VIPR2: variants seen among roughly 807,000 people sequenced by gnomAD.
VIPR2 encodes the protein vasoactive intestinal peptide receptor 2, also known as vasoactive intestinal polypeptide receptor 2.
A neutral mutation model predicts 58.0 loss-of-function variants in VIPR2; 48 were observed. The observed-to-expected ratio is 0.83, with a 90% CI of 0.66 to 1.05. VIPR2 has a LOEUF of 1.05. VIPR2 is among the 50% of genes least tolerant of loss of function. VIPR2 has a pLI of 0.00. For missense variants in VIPR2, 534 were observed against 558.0 expected (o/e 0.96, Z 0.43); for synonymous variants, 243 against 235.2 (o/e 1.03, Z -0.30).
rs531765911 is a variant in VIPR2, at chr7:159,081,454, T to C, written c.357+22303A>G. On this transcript the variant is annotated intron_variant, in intron 4 of 12. Transcript: ENST00000262178. ...AACTGGATCCCTTCCTTACATCTTA[T>C]ACAAAAATTAATTCAAGATGGATTA... 6.8e-3 allele frequency among the ~76,000 whole-genome samples: 1,035 copies of C among 152,290 alleles called. 4 individuals are homozygous for C. The highest frequency in any genetic ancestry group is 0.012 in the Non-Finnish European group (820 of 68,018).
intron 4 of VIPR2, among the ~76,000 whole-genome samples, chr7:159,066,863 T>C (rs1320904471): frequency 6.6e-6 from 1 of 152,230 alleles, no homozygotes; most frequent in Non-Finnish European, 1.5e-5. Context: ...ACATCAATTT[T>C]GATCTGGGAA....
At chr7:159,106,252 A>C (rs1170523991) in intron 3 of VIPR2, among the ~76,000 whole-genome samples, 1 of 152,272 alleles carries the variant, frequency 6.6e-6, no homozygotes, top group African/African-American at 2.4e-5. Flanking sequence ...AAAACTCCAC[A>C]AACTAAGTCA....
At chr7:159,106,400 CAG>C (rs1858649376) in intron 3 of VIPR2, among the ~76,000 whole-genome samples, 1 of 151,542 alleles carries the variant, frequency 6.6e-6, no homozygotes, top group Admixed American at 6.6e-5. Context: ...CAGGGAGGTA[CAG>C]AGAGACCAGG....
At chr7:159,100,754 G>A (rs1276298150) in intron 4 of VIPR2, among the ~76,000 whole-genome samples, 2 of 151,744 alleles carry the variant, frequency 1.3e-5, no homozygotes, top group African/African-American at 2.4e-5. Flanking sequence ...GACTGTTCCT[G>A]TGATAGTGAA....
At chr7:159,076,900 T>C (rs1209786450) in intron 4 of VIPR2, among the ~76,000 whole-genome samples, 3 of 152,210 alleles carry the variant, frequency 2.0e-5, no homozygotes, top group Non-Finnish European at 4.4e-5. Flanking sequence ...TTAAGTTATC[T>C]CCATTTTACA....
chr7:159,057,702 G>T (rs779351453), intron 5 of VIPR2, among the ~76,000 whole-genome samples: 6 of 152,190 alleles, frequency 3.9e-5, no homozygotes, highest in Non-Finnish European at 8.8e-5. Context: ...ACGTAAGACA[G>T]ATTTAATCCT....
intron 4 of VIPR2, among the ~76,000 whole-genome samples, chr7:159,061,850 GCGGCTGTGC>G (rs1255481829): frequency 6.6e-6 from 1 of 152,098 alleles, no homozygotes; most frequent in African/African-American, 2.4e-5. Flanking sequence ...AGCTCGGTGC[GCGGCTGTGC>G]GGGGAAGCCA....
chr7:159,031,997 G>C lies in VIPR2; in HGVS notation c.1042C>G (p.Pro348Ala), dbSNP rs1853621057. 6.2e-7 allele frequency: 1 copy of C among 1,614,202 alleles called. No individual in the cohort carries two copies. The highest frequency in any genetic ancestry group is 1.7e-5 in the Admixed American group (1 of 60,034). The change falls in exon 11 of 13, where the codon CCC (proline) becomes GCC (alanine). Residue 348 changes from proline to alanine, a missense_variant. Pro to Ala is a conservative substitution (Grantham distance 27). Around this residue, in one of 3 missense-constraint regions of VIPR2, gnomAD observed 306 missense variants for 285.8 expected, o/e 1.07. Coordinates refer to ENST00000262178, the MANE Select transcript of VIPR2 (RefSeq NM_003382.5). This position sits in a 1 kb window ranked among gnomAD's most constrained non-coding sequence, Gnocchi z 4.0. ...TGGTATTTGGAGGAGATGCTGATGG[G>C]AAACACGGCAAACACCATGTAGTGG... The part of the protein sequence containing the change: ...GVHYMVFAVF[P>A]ISISSKYQIL...
chr7:159,080,152 G>T (rs571727549), intron 4 of VIPR2, among the ~76,000 whole-genome samples: 3 of 152,158 alleles, frequency 2.0e-5, no homozygotes, highest in Non-Finnish European at 4.4e-5. Flanking sequence ...AAGCCTGGCA[G>T]AGACACAACA....
chr7:159,039,532 C>T (rs1025957865), intron 6 of VIPR2, among the ~76,000 whole-genome samples: 29 of 152,308 alleles, frequency 1.9e-4, no homozygotes, highest in African/African-American at 5.8e-4. Context: ...TTGCAATGGG[C>T]TGGAGGCTTC....
chr7:159,097,005 T>C lies in VIPR2; in HGVS notation c.357+6752A>G. ...GGGAGGCTTCCTTCAGAAAAGCTGCTGCTCTCAGAGGTGATTTGGGGCAGG... is the reference window on the plus strand; with the variant it reads ...GGGAGGCTTCCTTCAGAAAAGCTGCCGCTCTCAGAGGTGATTTGGGGCAGG... On this transcript the variant is annotated intron_variant, in intron 4 of 12. Transcript: ENST00000262178. The surrounding 1 kb of genome is among the most constrained non-coding windows in gnomAD (Gnocchi z 5.3). 6.4e-7 allele frequency: 1 copy of C among 1,550,600 alleles called. No individual in the cohort carries two copies. Among genetic ancestry groups the C allele is most frequent in the Non-Finnish European group, 8.7e-7 (1 of 1,146,978 alleles).
chr7:159,103,462 C>T (rs188069798), intron 4 of VIPR2, among the ~76,000 whole-genome samples: 6 of 152,258 alleles, frequency 3.9e-5, no homozygotes, highest in East Asian at 1.9e-4. Context: ...AAGTAACTTT[C>T]GGGCAGGCGG....
intron 4 of VIPR2, among the ~76,000 whole-genome samples, chr7:159,088,584 T>C (rs1439188578): frequency 6.6e-6 from 1 of 152,262 alleles, no homozygotes; most frequent in African/African-American, 2.4e-5. Context: ...CCCACCACGT[T>C]ATTCACATCA....
intron 4 of VIPR2, among the ~76,000 whole-genome samples, chr7:159,100,905 C>T (rs941190998): frequency 7.3e-4 from 105 of 144,770 alleles, no homozygotes; most frequent in Middle Eastern, 7.9e-3. Context: ...GCCGTTCCCC[C>T]GACTGTTCCT....
At chr7:159,034,365 C>A in intron 9 of VIPR2, 61 bp from the exon 10 acceptor site, 2 of 1,558,990 alleles carry the variant, frequency 1.3e-6, no homozygotes, top group South Asian at 2.3e-5. Flanking sequence ...GCCCTGAAGT[C>A]CACCTGATTT....
intron 2 of VIPR2, among the ~76,000 whole-genome samples, chr7:159,130,547 G>C (rs1417857002): frequency 6.6e-6 from 1 of 152,008 alleles, no homozygotes; most frequent in Non-Finnish European, 1.5e-5. Flanking sequence ...AGCCCACTGA[G>C]GACCATTTCC....
intron 4 of VIPR2, among the ~76,000 whole-genome samples, chr7:159,069,733 T>C (rs1404237976): frequency 6.6e-6 from 1 of 152,050 alleles, no homozygotes; most frequent in Non-Finnish European, 1.5e-5. Context: ...GCTCCATTTT[T>C]CCCCCCAAAT....
At chr7:159,050,113 G>T (rs1854898798) in intron 5 of VIPR2, among the ~76,000 whole-genome samples, 1 of 152,112 alleles carries the variant, frequency 6.6e-6, no homozygotes, top group Non-Finnish European at 1.5e-5. Flanking sequence ...AAGGTGGGTG[G>T]ATCACTTGAG....
chr7:159,077,556 A>T (rs1392440358), intron 4 of VIPR2, among the ~76,000 whole-genome samples: 1 of 150,842 alleles, frequency 6.6e-6, no homozygotes, highest in Admixed American at 6.6e-5. Flanking sequence ...TGTGCCTGTT[A>T]TCAGATTCTA....
Sources: gnomAD v4.1 joint callset for allele counts (sites outside exome capture counted in the v4.1 genomes callset) on GRCh38, gnomAD v4.1.1 for gene constraint, gnomAD v4.1.1 regional missense constraint, Gnocchi (gnomAD v3.1) non-coding constraint, MANE v1.5 for transcripts, NCBI Gene and HGNC (gene_info 2026-07-23, HGNC 2026-07-21) for gene names.